The following VIPR2 variants were observed in gnomAD, a reference collection of about 807,000 sequenced individuals.
VIPR2 encodes the protein vasoactive intestinal polypeptide receptor 2.
A neutral mutation model predicts 58.0 loss-of-function variants in VIPR2; 48 were observed. The observed-to-expected ratio is 0.83, with a 90% confidence interval of 0.66 to 1.05. The LOEUF (loss-of-function observed/expected upper bound fraction) is 1.05. Ranked by LOEUF, VIPR2 falls within the 50% of genes least tolerant of loss-of-function variation. The pLI is 0.00. For synonymous variants in VIPR2, 243 were observed against 235.2 expected (o/e 1.03, Z -0.30); for missense variants, 534 against 558.0 (o/e 0.96, Z 0.43).
intron 2 of VIPR2, among the ~76,000 whole-genome samples, chr7:159,114,136 G>A (rs1796146093): frequency 6.6e-6 from 1 of 152,178 alleles, no homozygotes; most frequent in Non-Finnish European, 1.5e-5. Context: ...AAGCAAAATA[G>A]TGCATGAATA....
intron 3 of VIPR2, among the ~76,000 whole-genome samples, chr7:159,106,878 G>C (rs565599337): frequency 6.7e-6 from 1 of 148,954 alleles, no homozygotes; most frequent in East Asian, 2.0e-4. Flanking sequence ...AGAGAGATCA[G>C]GGAGGTGCAG....
At chr7:159,114,124 CA>C (rs1796145631) in intron 2 of VIPR2, among the ~76,000 whole-genome samples, 1 of 151,802 alleles carries the variant, frequency 6.6e-6, no homozygotes, top group Admixed American at 6.6e-5. Context: ...TTGTGCAGGC[CA>C]AAGCAAAATA....
rs1563281459 is a variant in VIPR2 at position 159,058,582 on chromosome 7, C to T, written c.358-4G>A. The T allele has an allele frequency of 6.3e-7, 1 of 1,598,640 alleles. No homozygotes were observed. Among genetic ancestry groups the T allele is most frequent in the South Asian group, 1.1e-5 (1 of 90,764 alleles). Reference sequence around the variant, plus strand: ...TCACCAGAATATAAAACGTGATCTACAAAGAAAGAAAACAGATCTGTAAGC... The same window carrying T: ...TCACCAGAATATAAAACGTGATCTATAAAGAAAGAAAACAGATCTGTAAGC... On this transcript the variant is annotated splice_region_variant and splice_polypyrimidine_tract_variant and intron_variant, in intron 4 of 12. Coordinates refer to ENST00000262178, the MANE Select transcript of VIPR2 (RefSeq NM_003382.5).
At chr7:159,065,108 G>C (rs571150292) in intron 4 of VIPR2, among the ~76,000 whole-genome samples, 1 of 152,224 alleles carries the variant, frequency 6.6e-6, no homozygotes, top group Admixed American at 6.5e-5. Context: ...CCTGGACTAA[G>C]GCTTTCTTGG....
rs1172234582 is a variant in VIPR2 at position 159,028,818 on chromosome 7, C to G, written c.*1798G>C. 1.3e-5 allele frequency: 2 copies of G among 152,354 alleles called. No homozygotes were observed. The highest frequency in any genetic ancestry group is 4.8e-5 in the African/African-American group (2 of 41,464). The allele number at this position is 152,354 out of a possible 1,614,324, so 9.4% of individuals were successfully genotyped here. On this transcript the variant is annotated 3_prime_UTR_variant, in exon 13 of 13. Coordinates refer to ENST00000262178, the MANE Select transcript of VIPR2 (RefSeq NM_003382.5). ...CCAGTATCCGTCTGTGATGGATCCTCTGCGGCCCCCAGAAATGGTGGGTTG... is the reference window on the plus strand; with the variant it reads ...CCAGTATCCGTCTGTGATGGATCCTGTGCGGCCCCCAGAAATGGTGGGTTG...
At chr7:159,084,768 C>G (rs965944278) in intron 4 of VIPR2, among the ~76,000 whole-genome samples, 4 of 152,216 alleles carry the variant, frequency 2.6e-5, no homozygotes, top group African/African-American at 9.6e-5. Context: ...GACTCCACCC[C>G]TCACTGGAGG....
At chr7:159,084,353 G>A (rs1389062311) in intron 4 of VIPR2, among the ~76,000 whole-genome samples, 2 of 152,216 alleles carry the variant, frequency 1.3e-5, no homozygotes, top group Non-Finnish European at 1.5e-5. Context: ...TGGGGCAGGC[G>A]GCTGGGCACG....
chr7:159,119,846 A>C (rs189093048), intron 2 of VIPR2, among the ~76,000 whole-genome samples: 1 of 132,522 alleles, frequency 7.5e-6, no homozygotes, highest in Admixed American at 7.9e-5. Context: ...CGGAAGAAAC[A>C]CCTGTCCCCC....
chr7:159,041,490 C>T (rs1416910458), intron 6 of VIPR2, among the ~76,000 whole-genome samples: 4 of 128,616 alleles, frequency 3.1e-5, no homozygotes, highest in African/African-American at 5.6e-5. Flanking sequence ...CTTTCCATGT[C>T]GCGGGTCCCA....
Position 159,096,989 on chromosome 7 carries a change from C to T in VIPR2, c.357+6768G>A. The T allele has an allele frequency of 1.5e-5, 24 of 1,550,604 alleles. No individual in the cohort carries two copies. The highest frequency in any genetic ancestry group is 2.0e-5 in the Non-Finnish European group (23 of 1,146,992). ...GCCTGAGGACCATGAGGGGAGGCTTCCTTCAGAAAAGCTGCTGCTCTCAGA... is the reference window on the plus strand; with the variant it reads ...GCCTGAGGACCATGAGGGGAGGCTTTCTTCAGAAAAGCTGCTGCTCTCAGA... On this transcript the variant is annotated intron_variant, in intron 4 of 12. Coordinates refer to ENST00000262178, the MANE Select transcript of VIPR2 (RefSeq NM_003382.5). The surrounding 1 kb of genome is among the most constrained non-coding windows in gnomAD (Gnocchi z 5.5).
chr7:159,100,173 G>A (rs1858120039), intron 4 of VIPR2, among the ~76,000 whole-genome samples: 1 of 152,194 alleles, frequency 6.6e-6, no homozygotes, highest in Admixed American at 6.5e-5. Flanking sequence ...GTCCCGACCA[G>A]ATGGCAACAA....
chr7:159,053,380 CG>C (rs1232607574), intron 5 of VIPR2, among the ~76,000 whole-genome samples: 5 of 151,960 alleles, frequency 3.3e-5, no homozygotes, highest in African/African-American at 1.2e-4. Context: ...GACTTCCACT[CG>C]GAAAATCATA....
intron 4 of VIPR2, among the ~76,000 whole-genome samples, chr7:159,084,655 G>T (rs980095784): frequency 6.6e-6 from 1 of 152,238 alleles, no homozygotes; most frequent in Non-Finnish European, 1.5e-5. Context: ...AAAGTGCAGG[G>T]TTTGTCTGCA....
At chr7:159,116,718 G>T (rs1329639129) in intron 2 of VIPR2, among the ~76,000 whole-genome samples, 3 of 115,152 alleles carry the variant, frequency 2.6e-5, no homozygotes, top group Non-Finnish European at 6.3e-5. Context: ...AGTTCTTACC[G>T]GTATGCTGGG....
chr7:159,107,785 T>G (rs1795818488), intron 3 of VIPR2, among the ~76,000 whole-genome samples: 1 of 152,154 alleles, frequency 6.6e-6, no homozygotes, highest in Non-Finnish European at 1.5e-5. Flanking sequence ...GAGAAGGAGC[T>G]GCCCACTGCT....
chr7:159,084,240 C>T (rs59296885), intron 4 of VIPR2, among the ~76,000 whole-genome samples: 142 of 152,378 alleles, frequency 9.3e-4, no homozygotes, highest in African/African-American at 3.4e-3. Flanking sequence ...TGCAGGCAGG[C>T]AGTGGACTCT....
chr7:159,050,525 A>C (rs1178340597), intron 5 of VIPR2, among the ~76,000 whole-genome samples: 1 of 152,056 alleles, frequency 6.6e-6, no homozygotes, highest in African/African-American at 2.4e-5. Context: ...AAACTTAAAA[A>C]ACCTTGAAAT....
intron 8 of VIPR2, among the ~76,000 whole-genome samples, chr7:159,035,455 A>G (rs548512156): frequency 1.3e-5 from 2 of 152,314 alleles, no homozygotes; most frequent in South Asian, 4.1e-4. Flanking sequence ...GGCCCTTTAA[A>G]AGGCAAGATA....
intron 4 of VIPR2, among the ~76,000 whole-genome samples, chr7:159,071,806 GA>G (rs1422271498): frequency 1.3e-5 from 2 of 152,018 alleles, no homozygotes; most frequent in Admixed American, 6.6e-5. Context: ...CGGCAGGTAA[GA>G]AAACACACAT....
Sources: gnomAD v4.1 joint callset for allele counts (sites outside exome capture counted in the v4.1 genomes callset) on GRCh38, gnomAD v4.1.1 for gene constraint, Gnocchi (gnomAD v3.1) non-coding constraint, MANE v1.5 for transcripts, NCBI Gene and HGNC (gene_info 2026-07-23, HGNC 2026-07-21) for gene names.